The following RANBP2 variants were observed in gnomAD, a reference collection of about 807,000 sequenced individuals.
RANBP2 encodes E3 SUMO-protein ligase RanBP2.
RANBP2 carries 57 observed loss-of-function variants against 303.6 expected under a neutral mutation model. The observed-to-expected ratio is 0.19, with a 90% CI of 0.15 to 0.23. RANBP2 has a LOEUF of 0.23. Among genes scored for constraint, RANBP2 ranks in the 10% least tolerant of loss-of-function variants. The pLI, the probability that RANBP2 is intolerant of heterozygous loss-of-function variation, is 1.00. For synonymous variants in RANBP2, 1,167 were observed against 1,301.5 expected (o/e 0.90, Z 2.23); for missense variants, 3,138 against 3,780.8 (o/e 0.83, Z 4.46).
chr2:109,559,763 A>C, the RANBP2 span, among the ~76,000 whole-genome samples: 1 of 152,268 alleles, frequency 6.6e-6, no homozygotes, highest in African/African-American at 2.4e-5. Flanking sequence ...TCCCTGGACT[A>C]TGAATTGTGA....
the RANBP2 span, chr2:108,912,813 C>G: frequency 2.1e-6 from 3 of 1,462,566 alleles, no homozygotes; most frequent in Non-Finnish European, 1.9e-6. Context: ...GCTCCACCTT[C>G]AAAGACGCTG....
chr2:109,292,817 C>T, the RANBP2 span, among the ~76,000 whole-genome samples: 1 of 152,220 alleles, frequency 6.6e-6, no homozygotes, highest in African/African-American at 2.4e-5. Flanking sequence ...ACTGCAACCT[C>T]TGCCTCCCAG....
the RANBP2 span, among the ~76,000 whole-genome samples, chr2:108,951,743 G>C: frequency 2.0e-5 from 3 of 151,748 alleles, no homozygotes; most frequent in Admixed American, 2.0e-4. Flanking sequence ...GCGAGTCCAC[G>C]AGGTTCTCTT....
chr2:109,038,639 A>G, the RANBP2 span, among the ~76,000 whole-genome samples: 1 of 152,230 alleles, frequency 6.6e-6, no homozygotes, highest in African/African-American at 2.4e-5. Flanking sequence ...ATAGCTGACA[A>G]AAGACTGGAA....
chr2:109,778,574 T>C, the RANBP2 span, among the ~76,000 whole-genome samples: 1 of 148,930 alleles, frequency 6.7e-6, no homozygotes, highest in Admixed American at 6.8e-5. Flanking sequence ...CCATTTAATA[T>C]ACTTCCTGGA....
At chr2:109,400,271 G>A in the RANBP2 span, among the ~76,000 whole-genome samples, 6 of 150,872 alleles carry the variant, frequency 4.0e-5, no homozygotes, top group South Asian at 2.1e-4. Context: ...ATGCCCGCCC[G>A]CACATATGCA....
chr2:109,719,516 C>T, the RANBP2 span, among the ~76,000 whole-genome samples: 3 of 151,738 alleles, frequency 2.0e-5, no homozygotes, highest in African/African-American at 7.3e-5. Context: ...AAGCAATTCT[C>T]CTGCCTCAGC....
chr2:109,365,805 G>A, the RANBP2 span, among the ~76,000 whole-genome samples: 1 of 152,110 alleles, frequency 6.6e-6, no homozygotes, highest in Non-Finnish European at 1.5e-5. Context: ...CTGTACTTGT[G>A]AACTATGATC....
the RANBP2 span, among the ~76,000 whole-genome samples, chr2:108,818,919 C>G: frequency 1.3e-5 from 2 of 151,354 alleles, no homozygotes; most frequent in Non-Finnish European, 2.9e-5. Flanking sequence ...ATTTGATATA[C>G]TGGGTATACC....
the RANBP2 span, among the ~76,000 whole-genome samples, chr2:109,511,343 C>T: frequency 6.6e-6 from 1 of 152,342 alleles, no homozygotes; most frequent in South Asian, 2.1e-4. Context: ...CCTCTGATGA[C>T]AGCACCAGGT....
At chr2:108,860,662 G>A in the RANBP2 span, among the ~76,000 whole-genome samples, 11 of 151,888 alleles carry the variant, frequency 7.2e-5, no homozygotes, top group African/African-American at 1.2e-4. Context: ...CCACTTGATC[G>A]TGGTGGATTA....
chr2:108,850,555 G>A, the RANBP2 span, among the ~76,000 whole-genome samples: 4 of 152,060 alleles, frequency 2.6e-5, no homozygotes, highest in African/African-American at 7.2e-5. Flanking sequence ...AGGTTCAAGC[G>A]ATTCTCCTGC....
chr2:109,323,927 A>T, the RANBP2 span, among the ~76,000 whole-genome samples: 544 of 152,242 alleles, frequency 3.6e-3, 6 homozygotes, highest in African/African-American at 0.012. Context: ...ACTTTCCATC[A>T]CTGTAAAAAG....
the RANBP2 span, among the ~76,000 whole-genome samples, chr2:109,437,503 A>G: frequency 6.6e-6 from 1 of 152,184 alleles, no homozygotes; most frequent in East Asian, 1.9e-4. Flanking sequence ...GACTAATAAG[A>G]TTAACACCGG....
intron 18 of RANBP2, among the ~76,000 whole-genome samples, chr2:108,760,919 C>T (rs747388814): frequency 5.3e-5 from 8 of 152,060 alleles, no homozygotes; most frequent in Non-Finnish European, 1.0e-4. Context: ...AATGCAACCT[C>T]ATCATTTTGC....
chr2:109,226,273 T>TAAC, the RANBP2 span, among the ~76,000 whole-genome samples: 1 of 152,198 alleles, frequency 6.6e-6, no homozygotes, highest in Admixed American at 6.5e-5. Flanking sequence ...ATAGTTAATG[T>TAAC]AAGAGTAGTT....
chr2:109,317,451 C>T, the RANBP2 span, among the ~76,000 whole-genome samples: 3 of 152,056 alleles, frequency 2.0e-5, no homozygotes, highest in East Asian at 3.9e-4. Context: ...TGGGGAGGCC[C>T]AGCCCCCCAC....
At chr2:109,673,793 C>G in the RANBP2 span, among the ~76,000 whole-genome samples, 1 of 152,146 alleles carries the variant, frequency 6.6e-6, no homozygotes, top group Non-Finnish European at 1.5e-5. Context: ...ACAGTTTTCC[C>G]AGATAGCTAT....
the RANBP2 span, among the ~76,000 whole-genome samples, chr2:109,132,763 G>A: frequency 1.3e-5 from 2 of 152,158 alleles, no homozygotes; most frequent in South Asian, 4.1e-4. Context: ...TAACTTGTTT[G>A]TTTATTGTTT....
Sources: gnomAD v4.1 joint callset for allele counts (sites outside exome capture counted in the v4.1 genomes callset) on GRCh38, gnomAD v4.1.1 for gene constraint, MANE v1.5 for transcripts, NCBI Gene and HGNC (gene_info 2026-07-23, HGNC 2026-07-21) for gene names.